Variants in ZGRF1 observed in about 807,000 individuals in gnomAD.
ZGRF1 encodes the protein zinc finger GRF-type containing 1.
ZGRF1 carries 196 observed loss-of-function variants against 203.5 expected under a neutral mutation model. The observed-to-expected ratio is 0.96, with a 90% CI of 0.86 to 1.08. ZGRF1 has a LOEUF of 1.08. ZGRF1 is among the 50% of genes least tolerant of loss of function. The pLI is 0.00. For missense variants in ZGRF1, 2,326 were observed against 2,416.3 expected (o/e 0.96, Z 0.78); for synonymous variants, 809 against 841.3 (o/e 0.96, Z 0.66).
At chr4:112,559,807 T>C (rs1423659206) in intron 19 of ZGRF1, among the ~76,000 whole-genome samples, 3 of 152,062 alleles carry the variant, frequency 2.0e-5, no homozygotes, top group Non-Finnish European at 4.4e-5. Flanking sequence ...AGAACGTAAA[T>C]TCAGGATTCT....
chr4:112,618,569 A>G lies in ZGRF1; in HGVS notation c.1473T>C (p.Asn491=). 6.2e-7 allele frequency: 1 copy of G among 1,613,662 alleles called. No homozygotes were observed. The highest frequency in any genetic ancestry group is 8.5e-7 in the Non-Finnish European group (1 of 1,179,826). ...TAATGTCATCAGAGATCCTAGAATTATTACTAGATTCAATTTGGAGATGTT... is the reference window on the plus strand; with the variant it reads ...TAATGTCATCAGAGATCCTAGAATTGTTACTAGATTCAATTTGGAGATGTT... ...ELKHLQIESS[N]NSRISDDITD... is the part of the protein sequence containing the mutation. The change falls in exon 6 of 28, where the codon AAT becomes AAC. Residue 491 remains asparagine (N), a synonymous_variant. Coordinates refer to ENST00000505019, the MANE Select transcript of ZGRF1 (RefSeq NM_018392.5).
chr4:112,626,456 G>A (rs2047242253), intron 3 of ZGRF1, among the ~76,000 whole-genome samples: 1 of 151,806 alleles, frequency 6.6e-6, no homozygotes, highest in African/African-American at 2.4e-5. Context: ...CTCCATTCTC[G>A]CCCTTGCTCA....
intron 8 of ZGRF1, 37 bp from the exon 9 acceptor site, chr4:112,606,128 G>C (rs1750739367): frequency 7.9e-7 from 1 of 1,269,018 alleles, no homozygotes; most frequent in Non-Finnish European, 1.1e-6. Context: ...TAGTTAGCTA[G>C]AATAGTTTCA....
chr4:112,610,222 G>A (rs935707638), intron 7 of ZGRF1, among the ~76,000 whole-genome samples: 6 of 152,146 alleles, frequency 3.9e-5, no homozygotes, highest in Admixed American at 2.0e-4. Context: ...AACGGTACTA[G>A]TAAAAATGAA....
chr4:112,573,968 A>C (rs1466389915), intron 16 of ZGRF1, among the ~76,000 whole-genome samples: 1 of 152,210 alleles, frequency 6.6e-6, no homozygotes, highest in Non-Finnish European at 1.5e-5. Flanking sequence ...ACCACAATGC[A>C]ATCATCTTAT....
intron 24 of ZGRF1, among the ~76,000 whole-genome samples, chr4:112,541,668 A>G (rs1201326126): frequency 6.6e-6 from 1 of 151,740 alleles, no homozygotes; most frequent in Non-Finnish European, 1.5e-5. Context: ...AGCTGGGATT[A>G]CAGGCACCCA....
At chr4:112,558,877 A>G (rs1253111210) in intron 19 of ZGRF1, among the ~76,000 whole-genome samples, 1 of 152,270 alleles carries the variant, frequency 6.6e-6, no homozygotes, top group Non-Finnish European at 1.5e-5. Flanking sequence ...ATTATCTTGG[A>G]TCAGAGAAGG....
chr4:112,621,336 C>T, intron 4 of ZGRF1, among the ~76,000 whole-genome samples: 1 of 151,988 alleles, frequency 6.6e-6, no homozygotes, highest in Non-Finnish European at 1.5e-5. Context: ...TACTTGCCAC[C>T]ACCTCTGACT....
At position 112,587,740 on chromosome 4, in the gene ZGRF1, G is replaced by C; in HGVS notation, c.3317C>G (p.Ser1106Ter). 6.4e-7 allele frequency: 1 copy of C among 1,565,378 alleles called. No individual in the cohort carries two copies. The highest frequency in any genetic ancestry group is 1.7e-4 in the Middle Eastern group (1 of 6,014). The change falls in exon 12 of 28, where the codon TCA becomes TGA. Residue 1106 changes from serine (S) to a stop codon, truncating the protein, a stop_gained. Transcript: ENST00000505019. LOFTEE classifies it high-confidence loss of function. ...GSPMLNLCEK[S>*]AVLSFSIEPE... ...CTCAATGCTAAACGAAAGAACTGCT[G>C]ACTTTTCACACAAATTGAGCATGGG...
chr4:112,581,973 CAG>C (rs1746344193), intron 15 of ZGRF1, among the ~76,000 whole-genome samples, 171 bp from the exon 16 acceptor site: 1 of 152,096 alleles, frequency 6.6e-6, no homozygotes, highest in African/African-American at 2.4e-5. Context: ...ACAACTGTCA[CAG>C]AACTGTCATC....
rs1396810586 is a variant in ZGRF1, at chr4:112,584,374, GATTAC to G, written c.4102-205_4102-201del. 2.6e-5 allele frequency among the ~76,000 whole-genome samples: 4 copies of G among 152,136 alleles called. No homozygotes were observed. The South Asian group carries it at 8.3e-4, about 32-fold the overall frequency. On this transcript the variant is annotated intron_variant, in intron 14 of 27. Transcript: ENST00000505019. ...TCCATTTACTTTCTCTTTATCAAAA[GATTAC>G]ATTATTCTGAGAATAAAAGCTTATT...
chr4:112,586,634 T>A, intron 12 of ZGRF1, 51 bp from the exon 13 acceptor site: 1 of 1,275,794 alleles, frequency 7.8e-7, no homozygotes. Flanking sequence ...AAATACTGTT[T>A]ACTAAAGAGT....
chr4:112,548,361 G>A lies in ZGRF1; in HGVS notation c.5366C>T (p.Thr1789Ile), dbSNP rs904192248. The A allele has an allele frequency of 2.6e-6, 4 of 1,554,274 alleles. No individual in the cohort carries two copies. Among genetic ancestry groups the A allele is most frequent in the Non-Finnish European group, 3.5e-6 (4 of 1,148,354 alleles). The change falls in exon 23 of 28, where the codon ACC becomes ATC. Residue 1789 changes from threonine to isoleucine, a missense_variant. Coordinates refer to ENST00000505019, the MANE Select transcript of ZGRF1 (RefSeq NM_018392.5). ...LLKQVRVVGVTCAACPFPCMN... is the reference protein window; with the variant it reads ...LLKQVRVVGVICAACPFPCMN... ...GCATGGGAATGGGCAGGCTGCACAG[G>A]TAACTCCAACTACTCGAACCTTTAT...
At chr4:112,590,240 C>T (rs1472735973) in intron 10 of ZGRF1, among the ~76,000 whole-genome samples, 1 of 152,158 alleles carries the variant, frequency 6.6e-6, no homozygotes, top group Non-Finnish European at 1.5e-5. Context: ...CCTGCAAACT[C>T]AAGGACTGAA....
At chr4:112,621,120 C>T (rs1272962129) in intron 4 of ZGRF1, among the ~76,000 whole-genome samples, 1 of 152,062 alleles carries the variant, frequency 6.6e-6, no homozygotes, top group Admixed American at 6.6e-5. Flanking sequence ...CAAAGACAAA[C>T]AAGAACAAAA....
intron 12 of ZGRF1, 126 bp downstream of exon 12, chr4:112,587,152 CAG>C (rs775564591): frequency 2.7e-6 from 2 of 738,600 alleles, no homozygotes; most frequent in Non-Finnish European, 4.5e-6. Context: ...AACTGTAGCT[CAG>C]AGTTAGGATC....
At chr4:112,565,575 G>T (rs1414665446) in intron 16 of ZGRF1, among the ~76,000 whole-genome samples, 2 of 151,812 alleles carry the variant, frequency 1.3e-5, no homozygotes. Flanking sequence ...CAAAATGGGA[G>T]AAAATTTTCA....
chr4:112,585,608 T>A lies in ZGRF1; in HGVS notation c.4034A>T (p.Asn1345Ile). 1 of 1,612,892 alleles carries A rather than the reference T, an allele frequency of 6.2e-7. No homozygotes were observed. The highest frequency in any genetic ancestry group is 8.5e-7 in the Non-Finnish European group (1 of 1,179,486). The change falls in exon 14 of 28, where the codon AAT (asparagine) becomes ATT (isoleucine). Residue 1345 changes from asparagine to isoleucine, a missense_variant. Coordinates refer to ENST00000505019, the MANE Select transcript of ZGRF1 (RefSeq NM_018392.5). The stretch of plus-strand genomic sequence containing the variant: ...TTGACTATGATGGCAGGATGGTACA[T>A]TATTTTCTGCGTTTTTCAGTTTCTC... Reference protein sequence around the residue: ...KGEKLKNAENNVPSCHHSQPA... With the variant: ...KGEKLKNAENIVPSCHHSQPA...
intron 15 of ZGRF1, among the ~76,000 whole-genome samples, chr4:112,582,052 T>G (rs1345548590): frequency 2.0e-5 from 3 of 152,146 alleles, no homozygotes; most frequent in African/African-American, 7.2e-5. Flanking sequence ...TTTTTAAAAT[T>G]TTTAAATTTA....
Sources: gnomAD v4.1 joint callset for allele counts (sites outside exome capture counted in the v4.1 genomes callset) on GRCh38, gnomAD v4.1.1 for gene constraint, MANE v1.5 for transcripts, NCBI Gene and HGNC (gene_info 2026-07-23, HGNC 2026-07-21) for gene names.